Variants in MCTP1 observed in about 807,000 individuals in gnomAD.
The protein encoded by MCTP1 is multiple C2 and transmembrane domain-containing protein 1.
A neutral mutation model predicts 120.6 loss-of-function variants in MCTP1; 69 were observed. The observed-to-expected ratio is 0.57, with a 90% CI of 0.47 to 0.70. The LOEUF (loss-of-function observed/expected upper bound fraction) is 0.70, where lower values mean the gene tolerates loss of function less well. MCTP1 is among the 30% of genes least tolerant of loss of function. MCTP1 has a pLI of 0.00. For missense variants in MCTP1, 1,203 were observed against 1,248.8 expected (o/e 0.96, Z 0.55); for synonymous variants, 529 against 493.1 (o/e 1.07, Z -0.96).
At chr5:95,162,167 A>G (rs1745814942) in intron 1 of MCTP1, among the ~76,000 whole-genome samples, 1 of 152,224 alleles carries the variant, frequency 6.6e-6, no homozygotes. Flanking sequence ...ATAATATTTT[A>G]GATGGAGACA....
intron 2 of MCTP1, among the ~76,000 whole-genome samples, chr5:94,992,284 A>C (rs1225575720): frequency 6.6e-6 from 1 of 150,796 alleles, no homozygotes. Context: ...TAAGTATAAT[A>C]ATGTTGAGGA....
intron 1 of MCTP1, among the ~76,000 whole-genome samples, chr5:95,223,603 A>G (rs1428119164): frequency 6.6e-6 from 1 of 152,238 alleles, no homozygotes; most frequent in Non-Finnish European, 1.5e-5. Flanking sequence ...AATTGTGTTA[A>G]TCATTATTAT....
intron 19 of MCTP1, among the ~76,000 whole-genome samples, chr5:94,771,879 C>T (rs1341399657): frequency 2.6e-5 from 4 of 152,174 alleles, no homozygotes; most frequent in Admixed American, 6.5e-5. Context: ...ATGAGTCTCA[C>T]TGGGCTAAAA....
chr5:95,167,723 G>C (rs189608604), intron 1 of MCTP1, among the ~76,000 whole-genome samples: 80 of 152,306 alleles, frequency 5.3e-4, no homozygotes, highest in African/African-American at 1.7e-3. Context: ...AGAAGTGTCT[G>C]TTCATATCCT....
intron 1 of MCTP1, among the ~76,000 whole-genome samples, chr5:95,045,279 C>T (rs1842973883): frequency 1.3e-5 from 2 of 152,172 alleles, no homozygotes; most frequent in South Asian, 4.1e-4. Flanking sequence ...CTAAAGAGTT[C>T]TTCATTAGTT....
At chr5:95,063,236 A>G (rs1749733940) in intron 1 of MCTP1, among the ~76,000 whole-genome samples, 1 of 152,230 alleles carries the variant, frequency 6.6e-6, no homozygotes. Flanking sequence ...TTACATGGTG[A>G]TCTTGTGGAA....
At chr5:95,200,902 C>A (rs185046914) in intron 1 of MCTP1, among the ~76,000 whole-genome samples, 27 of 150,938 alleles carry the variant, frequency 1.8e-4, no homozygotes, top group Admixed American at 1.4e-3. Flanking sequence ...TCATGTTGTA[C>A]ATGATAAACA....
chr5:95,097,837 G>C (rs748856282), intron 1 of MCTP1, among the ~76,000 whole-genome samples: 1 of 152,138 alleles, frequency 6.6e-6, no homozygotes, highest in Non-Finnish European at 1.5e-5. Flanking sequence ...TAGGTTTTTG[G>C]TCCAACAACT....
At chr5:94,976,812 A>G (rs549457129) in intron 2 of MCTP1, 41 of 152,242 alleles carry the variant, frequency 2.7e-4, no homozygotes, top group African/African-American at 9.4e-4. Context: ...CTAACAAACT[A>G]AAAAGAGAAG....
chr5:94,807,125 G>A (rs1192153212), intron 17 of MCTP1, among the ~76,000 whole-genome samples: 1 of 152,158 alleles, frequency 6.6e-6, no homozygotes, highest in Non-Finnish European at 1.5e-5. Flanking sequence ...ATGAAGAAAT[G>A]TGCCAAAAGT....
intron 2 of MCTP1, among the ~76,000 whole-genome samples, chr5:95,005,438 G>A (rs1834526482): frequency 6.6e-6 from 1 of 152,112 alleles, no homozygotes; most frequent in East Asian, 1.9e-4. Context: ...GGGCCAGGGG[G>A]TGGAATATTA....
chr5:95,082,677 CATA>C (rs1425426349), intron 1 of MCTP1, among the ~76,000 whole-genome samples: 5 of 152,052 alleles, frequency 3.3e-5, no homozygotes, highest in Non-Finnish European at 7.4e-5. Flanking sequence ...AATATGTAAT[CATA>C]ATAAAATTAT....
chr5:94,875,426 G>A (rs577026552), intron 12 of MCTP1, among the ~76,000 whole-genome samples: 1 of 152,162 alleles, frequency 6.6e-6, no homozygotes, highest in South Asian at 2.1e-4. Flanking sequence ...ACACAGACAG[G>A]TCTGGAGATA....
At chr5:94,804,070 C>T (rs1781755903) in intron 17 of MCTP1, among the ~76,000 whole-genome samples, 1 of 152,184 alleles carries the variant, frequency 6.6e-6, no homozygotes, top group Non-Finnish European at 1.5e-5. Flanking sequence ...CAGAGCTAGG[C>T]CTAGTCCAAA....
At chr5:95,238,790 G>A (rs1755840020) in intron 1 of MCTP1, among the ~76,000 whole-genome samples, 1 of 152,006 alleles carries the variant, frequency 6.6e-6, no homozygotes, top group South Asian at 2.1e-4. Flanking sequence ...GATGACTACA[G>A]ACCCCTAAGC....
intron 19 of MCTP1, among the ~76,000 whole-genome samples, chr5:94,727,530 G>A (rs1376488301): frequency 6.6e-6 from 1 of 152,092 alleles, no homozygotes; most frequent in Non-Finnish European, 1.5e-5. Context: ...TTTAAATACT[G>A]GATAATATTT....
intron 12 of MCTP1, among the ~76,000 whole-genome samples, chr5:94,874,445 T>G (rs554552250): frequency 6.6e-6 from 1 of 152,298 alleles, no homozygotes; most frequent in South Asian, 2.1e-4. Context: ...CTTTAATTTA[T>G]TAACTTTATA....
intron 1 of MCTP1, among the ~76,000 whole-genome samples, chr5:95,086,041 TTTTA>T (rs1370040737): frequency 1.3e-5 from 2 of 152,168 alleles, no homozygotes; most frequent in African/African-American, 2.4e-5. Context: ...CTTTGCTGTT[TTTTA>T]TTTAATTTGT....
At chr5:94,918,926 T>C (rs150467422) in intron 7 of MCTP1, among the ~76,000 whole-genome samples, 2 of 152,302 alleles carry the variant, frequency 1.3e-5, no homozygotes, top group Admixed American at 6.5e-5. Flanking sequence ...TGACTAGAGA[T>C]TGGCAAGGCT....
Sources: allele counts gnomAD v4.1 joint callset (sites outside exome capture counted in the v4.1 genomes callset), GRCh38; gene constraint gnomAD v4.1.1; transcripts MANE v1.5; gene names NCBI Gene and HGNC (gene_info 2026-07-23, HGNC 2026-07-21).